The following VPS4A variants were observed in gnomAD, a reference collection of about 807,000 sequenced individuals.
VPS4A encodes vacuolar protein sorting 4 homolog A, also known as vacuolar protein sorting-associated protein 4A.
A neutral mutation model predicts 52.3 loss-of-function variants in VPS4A; 20 were observed. The observed-to-expected ratio is 0.38, with a 90% CI of 0.27 to 0.56. The LOEUF is 0.56. Ranked by LOEUF, VPS4A falls within the 20% of genes least tolerant of loss-of-function variation. The pLI is 0.72. For missense variants in VPS4A, 419 were observed against 575.9 expected, an observed-to-expected ratio of 0.73 and a Z score of 2.79; for synonymous variants, 293 against 227.7, an observed-to-expected ratio of 1.29 and a Z score of -2.58.
intron 10 of VPS4A, chr16:69,323,559 T>C (rs1965539940): frequency 4.5e-6 from 2 of 446,796 alleles, no homozygotes; most frequent in Non-Finnish European, 9.0e-6. Flanking sequence ...GTCAAGACTG[T>C]GACGCAGTTG....
At chr16:69,322,074 T>C in intron 9 of VPS4A, 1 of 163,184 alleles carries the variant, frequency 6.1e-6, no homozygotes, top group Non-Finnish European at 1.3e-5. Flanking sequence ...CCAAAGGCAC[T>C]TCTTACATGC....
rs148649560 is a variant in VPS4A, at chr16:69,324,692, C to T, written c.*383C>T. On this transcript the variant is annotated 3_prime_UTR_variant, in exon 11 of 11. Coordinates refer to ENST00000254950, the MANE Select transcript of VPS4A (RefSeq NM_013245.3). Reference sequence around the variant, plus strand: ...GGCGGGGTGGCGGGGGAGAAGCAGCCGTGCTGCCAGGTCACCCAGACCTCC... The same window carrying T: ...GGCGGGGTGGCGGGGGAGAAGCAGCTGTGCTGCCAGGTCACCCAGACCTCC... 1.3e-4 allele frequency: 27 copies of T among 215,794 alleles called. No homozygotes were observed. The highest frequency in any genetic ancestry group is 7.3e-4 in the Admixed American group (15 of 20,592). The allele number at this position is 215,794 out of a possible 1,614,324, so 13.4% of individuals were successfully genotyped here. A position where few individuals can be genotyped will look rare whatever the true frequency, so the allele number is the denominator to read the frequency against.
intron 1 of VPS4A, among the ~76,000 whole-genome samples, chr16:69,312,049 G>T (rs192076683): frequency 6.6e-6 from 1 of 152,304 alleles, no homozygotes; most frequent in East Asian, 1.9e-4. Flanking sequence ...CTGGGATGGC[G>T]CCACCTGGGT....
intron 1 of VPS4A, among the ~76,000 whole-genome samples, chr16:69,313,548 C>T (rs374111849): frequency 3.3e-5 from 5 of 152,228 alleles, no homozygotes; most frequent in South Asian, 4.2e-4. Flanking sequence ...TATGACTTAA[C>T]ATAATGTCAT....
In VPS4A at chr16:69,320,069, A is replaced by G; in HGVS notation, c.621-72A>G. ...GCCTCCCTGTGGGAAGGGTGAGAAG[A>G]GGGAAGTGCCGGGAGCCCAGGCGGG... is the stretch of plus-strand genomic sequence containing the variant. On this transcript the variant is annotated intron_variant, in intron 6 of 10. Coordinates refer to ENST00000254950, the MANE Select transcript of VPS4A (RefSeq NM_013245.3). This position sits in a 1 kb window ranked among gnomAD's most constrained non-coding sequence, Gnocchi z 4.2. The G allele has an allele frequency of 6.6e-7, 1 of 1,526,478 alleles. No homozygotes were observed. Among genetic ancestry groups the G allele is most frequent in the Middle Eastern group, 2.1e-4 (1 of 4,734 alleles). 94.6% of individuals were successfully genotyped at this position (1,526,478 alleles called of 1,614,324 possible). A position where few individuals can be genotyped will look rare whatever the true frequency, so the allele number is the denominator to read the frequency against.
In VPS4A at chr16:69,324,429, C is replaced by T. The variant is rs973241865; in HGVS notation, c.*120C>T. 14 of 1,115,242 alleles carry T rather than the reference C, an allele frequency of 1.3e-5. No individual in the cohort carries two copies. Among genetic ancestry groups the T allele is most frequent in the African/African-American group, 7.7e-5 (5 of 64,538 alleles). 69.1% of individuals were successfully genotyped at this position (1,115,242 alleles called of 1,614,324 possible). On this transcript the variant is annotated 3_prime_UTR_variant, in exon 11 of 11. Coordinates refer to ENST00000254950, the MANE Select transcript of VPS4A (RefSeq NM_013245.3). ...TGTCCCAGTCAATACAGAGTTCCCTCTGCTGTCTGGCCGTCTGCCAGGGAG... is the reference window on the plus strand; with the variant it reads ...TGTCCCAGTCAATACAGAGTTCCCTTTGCTGTCTGGCCGTCTGCCAGGGAG...
Position 69,320,844 on chromosome 16 carries a change from C to G in VPS4A, c.851+75C>G. 1.4e-6 allele frequency: 2 copies of G among 1,452,872 alleles called. No homozygotes were observed. Among genetic ancestry groups the G allele is most frequent in the Non-Finnish European group, 1.9e-6 (2 of 1,060,568 alleles). The allele number at this position is 1,452,872 out of a possible 1,614,324, so 90.0% of individuals were successfully genotyped here. On this transcript the variant is annotated intron_variant, in intron 8 of 10. Coordinates refer to ENST00000254950, the MANE Select transcript of VPS4A (RefSeq NM_013245.3). This position sits in a 1 kb window ranked among gnomAD's most constrained non-coding sequence, Gnocchi z 4.2. ...GTCACGGTCCGCCTGCTGCTGGCAGCCCGGGTGCAGCCTGGCCCCTTTTCC... is the reference window on the plus strand; with the variant it reads ...GTCACGGTCCGCCTGCTGCTGGCAGGCCGGGTGCAGCCTGGCCCCTTTTCC...
intron 6 of VPS4A, among the ~76,000 whole-genome samples, chr16:69,319,827 A>G (rs1439432760): frequency 6.6e-6 from 1 of 152,124 alleles, no homozygotes; most frequent in Non-Finnish European, 1.5e-5. Context: ...TGTGGGGGAC[A>G]TGGTTCCCCA....
Position 69,311,509 on chromosome 16 carries a change from G to T in VPS4A, c.-3G>T, listed in dbSNP as rs1239777107. On this transcript the variant is annotated 5_prime_UTR_variant, in exon 1 of 11. The change abolishes an upstream ATG in the 5' untranslated region. Coordinates refer to ENST00000254950, the MANE Select transcript of VPS4A (RefSeq NM_013245.3). ...GGGGTGTGGGGCGGACCCAGGAGAT[G>T]AAATGACAACGTCAACCCTCCAGGT... The T allele has an allele frequency of 2.9e-6, 4 of 1,358,492 alleles. No individual in the cohort carries two copies. The highest frequency in any genetic ancestry group is 3.8e-6 in the Non-Finnish European group (4 of 1,042,428). 84.2% of individuals were successfully genotyped at this position (1,358,492 alleles called of 1,614,324 possible). A position where few individuals can be genotyped will look rare whatever the true frequency, so the allele number is the denominator to read the frequency against.
intron 10 of VPS4A, chr16:69,322,950 C>T (rs1387050271): frequency 7.9e-6 from 2 of 252,676 alleles, no homozygotes; most frequent in East Asian, 1.8e-4. Flanking sequence ...CACTTGTAGT[C>T]CCAGCTACTC....
intron 3 of VPS4A, among the ~76,000 whole-genome samples, chr16:69,317,351 C>G (rs1718904881): frequency 6.6e-6 from 1 of 152,114 alleles, no homozygotes. Context: ...CATGCTGTCC[C>G]TGAGTCTCTA....
chr16:69,311,483 CG>C lies in VPS4A; in HGVS notation c.-25del. 2.3e-6 allele frequency: 3 copies of C among 1,321,008 alleles called. No homozygotes were observed. The highest frequency in any genetic ancestry group is 2.3e-5 in the South Asian group (1 of 42,760). 81.8% of individuals were successfully genotyped at this position (1,321,008 alleles called of 1,614,324 possible). A position where few individuals can be genotyped will look rare whatever the true frequency, so the allele number is the denominator to read the frequency against. ...CGGACCGAGGCCGCAAGCAGCGCCG[CG>C]GGGTGTGGGGCGGACCCAGGAGATG... On this transcript the variant is annotated 5_prime_UTR_variant, in exon 1 of 11. Coordinates refer to ENST00000254950, the MANE Select transcript of VPS4A (RefSeq NM_013245.3).
chr16:69,318,970 A>C, intron 5 of VPS4A, 28 bp downstream of exon 5: 1 of 1,605,248 alleles, frequency 6.2e-7, no homozygotes, highest in Non-Finnish European at 8.5e-7. Flanking sequence ...TCAAACCCCA[A>C]TGTAAAAATT....
intron 1 of VPS4A, among the ~76,000 whole-genome samples, chr16:69,313,118 A>C (rs1202652338): frequency 6.6e-6 from 1 of 151,604 alleles, no homozygotes; most frequent in Non-Finnish European, 1.5e-5. Flanking sequence ...AGCTGGGATT[A>C]CAGGCACCTC....
At chr16:69,313,327 A>G (rs1965400004) in intron 1 of VPS4A, among the ~76,000 whole-genome samples, 1 of 152,136 alleles carries the variant, frequency 6.6e-6, no homozygotes, top group East Asian at 1.9e-4. Flanking sequence ...CTTTTAGTAT[A>G]TTCATGGTTG....
Position 69,319,087 on chromosome 16 carries a change from A to G in VPS4A, c.463+145A>G, listed in dbSNP as rs551994922. 2.0e-5 allele frequency: 26 copies of G among 1,270,046 alleles called. No individual in the cohort carries two copies. In the East Asian group the frequency reaches 5.7e-4, roughly 28 times the overall value. 78.7% of individuals were successfully genotyped at this position (1,270,046 alleles called of 1,614,324 possible). ...CTGGCTGCTCGCTGGTGTCCACAAC[A>G]CTGCTGTGGCTGGAGCTATGAGATG... On this transcript the variant is annotated intron_variant, in intron 5 of 10. Transcript: ENST00000254950.
chr16:69,319,459 C>T lies in VPS4A; in HGVS notation c.536C>T (p.Ala179Val), dbSNP rs748698446. 1.2e-6 allele frequency: 2 copies of T among 1,613,928 alleles called. No homozygotes were observed. The highest frequency in any genetic ancestry group is 1.7e-5 in the Admixed American group (1 of 60,012). The change falls in exon 6 of 11, where the codon GCC becomes GTC. Residue 179 changes from alanine (A) to valine (V), a missense_variant. This residue lies in a region of VPS4A where 103 missense variants were observed against 210.3 expected (regional missense o/e 0.49). Transcript: ENST00000254950. ...PGTGKSYLAK[A>V]VATEANNSTF... ...ACAGGGAAATCCTACCTGGCCAAAG[C>T]CGTGGCAACAGAGGCCAACAACTCC... is the stretch of plus-strand genomic sequence containing the variant.
chr16:69,320,282 G>A lies in VPS4A; in HGVS notation c.762G>A (p.Gln254=). The A allele has an allele frequency of 6.2e-7, 1 of 1,613,562 alleles. No individual in the cohort carries two copies. ...GGATCAAAACGGAGTTCTTGGTCCA[G>A]ATGCAGGGTGTGTGCCGGGCCCAGG... ...ARRIKTEFLV[Q]MQGVGNNNDG... is the part of the protein sequence containing the mutation. Residue 254 remains glutamine (Q), a synonymous_variant, in exon 7 of 11, where the codon CAG becomes CAA. Transcript: ENST00000254950. This position sits in a 1 kb window ranked among gnomAD's most constrained non-coding sequence, Gnocchi z 4.2.
At position 69,319,559 on chromosome 16, in the gene VPS4A, G is replaced by A; in HGVS notation, c.620+16G>A. On this transcript the variant is annotated intron_variant, in intron 6 of 10. Transcript: ENST00000254950. ...AGAGTGAAAAGTAAGTCGGCCACCA[G>A]GCCATGCTCTGCCAGCAGCCCCGGC... 1 of 1,605,720 alleles carries A rather than the reference G, an allele frequency of 6.2e-7. No homozygotes were observed. The highest frequency in any genetic ancestry group is 8.5e-7 in the Non-Finnish European group (1 of 1,176,302).
Sources: allele counts gnomAD v4.1 joint callset (sites outside exome capture counted in the v4.1 genomes callset), GRCh38; gene constraint gnomAD v4.1.1; regional missense constraint gnomAD v4.1.1; non-coding constraint Gnocchi (gnomAD v3.1); transcripts MANE v1.5; gene names NCBI Gene and HGNC (gene_info 2026-07-23, HGNC 2026-07-21).